The following FLNB variants were observed in gnomAD, a reference collection of about 807,000 sequenced individuals.
FLNB encodes the protein filamin-B.
In FLNB, 111 loss-of-function variants were observed where a neutral mutation model predicts 250.6. That is an observed-to-expected ratio of 0.44 (90% CI 0.38 to 0.52). The LOEUF is 0.52. FLNB is among the 20% of genes least tolerant of loss of function. The pLI, the probability that FLNB is intolerant of heterozygous loss-of-function variation, is 0.00. For synonymous variants in FLNB, 1,302 were observed against 1,372.1 expected (o/e 0.95, Z 1.13); for missense variants, 2,869 against 3,447.8 (o/e 0.83, Z 4.20).
Position 58,098,718 on chromosome 3 carries a change from T to G in FLNB, c.1155T>G (p.Gly385=). 4 of 1,614,084 alleles carry G rather than the reference T, an allele frequency of 2.5e-6. No homozygotes were observed. Among genetic ancestry groups the G allele is most frequent in the Non-Finnish European group, 3.4e-6 (4 of 1,180,018 alleles). The stretch of plus-strand genomic sequence containing the variant: ...ATGCTTGCTTTCTTGTAGGAGCTGG[T>G]GTGGGTGACATTGGTGTGGAGGTGG... ...TYFDIYTAGA[G]VGDIGVEVED... The change falls in exon 8 of 46, where the codon GGT becomes GGG. Residue 385 remains glycine (G), a synonymous_variant. Coordinates refer to ENST00000295956, the MANE Select transcript of FLNB (RefSeq NM_001457.4).
In FLNB at chr3:58,063,345, G is replaced by C. The variant is rs373032550; in HGVS notation, c.293-13701G>C. Among the ~76,000 whole-genome samples the C allele has an allele frequency of 3.3e-5, 5 of 152,308 alleles. No homozygotes were observed. In the South Asian group the frequency reaches 6.2e-4, roughly 19 times the overall value. ...GAATTCCACCCGTAAGAAGGAGGTC[G>C]GTCCCTGGGCTGAGAGAGTTTGCAG... On this transcript the variant is annotated intron_variant, in intron 1 of 45. Transcript: ENST00000295956.
chr3:58,008,922 G>C (rs2097094170), intron 1 of FLNB, 66 bp downstream of exon 1: 2 of 1,586,690 alleles, frequency 1.3e-6, no homozygotes, highest in Admixed American at 3.4e-5. Context: ...GTGCACCCCT[G>C]CGGAGGGCGA....
chr3:58,136,318 T>G (rs997479673), intron 28 of FLNB, 150 bp downstream of exon 28: 37 of 751,750 alleles, frequency 4.9e-5, no homozygotes, highest in African/African-American at 7.0e-5. Flanking sequence ...AAGCTCTTTG[T>G]TTTTATTTGG....
intron 1 of FLNB, among the ~76,000 whole-genome samples, chr3:58,026,830 C>T (rs1484948431): frequency 6.6e-6 from 1 of 152,190 alleles, no homozygotes; most frequent in Non-Finnish European, 1.5e-5. Context: ...CAGGGAACGC[C>T]CAACACCTTT....
intron 1 of FLNB, among the ~76,000 whole-genome samples, chr3:58,061,730 C>T (rs1227749745): frequency 6.7e-6 from 1 of 150,138 alleles, no homozygotes; most frequent in Non-Finnish European, 1.5e-5. Context: ...CAGAGTGAGA[C>T]CCTGTCTCCC....
intron 1 of FLNB, among the ~76,000 whole-genome samples, chr3:58,027,230 A>C (rs1718455): frequency 6.6e-6 from 1 of 150,612 alleles, no homozygotes; most frequent in Admixed American, 6.6e-5. Context: ...TCGGCTCACC[A>C]CAACCTCCGC....
chr3:58,034,381 GTT>G (rs1349746967), intron 1 of FLNB, among the ~76,000 whole-genome samples: 5 of 151,476 alleles, frequency 3.3e-5, no homozygotes, highest in African/African-American at 1.2e-4. Context: ...CCACAAAAAG[GTT>G]CTGTTTTTTA....
intron 1 of FLNB, among the ~76,000 whole-genome samples, chr3:58,060,942 G>A (rs1320650667): frequency 2.0e-5 from 3 of 152,142 alleles, no homozygotes; most frequent in Admixed American, 6.5e-5. Context: ...GAGGCTGGGA[G>A]ATTGCTTGTC....
chr3:58,121,736 G>A (rs532716154), intron 20 of FLNB, among the ~76,000 whole-genome samples: 6 of 152,182 alleles, frequency 3.9e-5, no homozygotes, highest in South Asian at 2.1e-4. Flanking sequence ...TTCTTTCTTC[G>A]CTTGTTAGCA....
In FLNB at chr3:58,148,269, G is replaced by A; in HGVS notation, c.5792G>A (p.Ser1931Asn). The A allele has an allele frequency of 1.9e-6, 3 of 1,614,202 alleles. No individual in the cohort carries two copies. The highest frequency in any genetic ancestry group is 2.2e-5 in the East Asian group (1 of 44,874). Residue 1931 changes from serine to asparagine, a missense_variant, in exon 35 of 46, where the codon AGT becomes AAT. Around this residue, in one of 5 missense-constraint regions of FLNB, gnomAD observed 1,084 missense variants for 1,315.5 expected, o/e 0.82. Coordinates refer to ENST00000295956, the MANE Select transcript of FLNB (RefSeq NM_001457.4). Reference protein sequence around the residue: ...GSAADFLLDISETDLSSLTAS... With the variant: ...GSAADFLLDINETDLSSLTAS... ...GCCGCTGACTTCCTGCTCGACATCA[G>A]TGAGACTGACCTCAGCAGCCTGACG...
At chr3:58,075,132 A>G (rs1211079257) in intron 1 of FLNB, among the ~76,000 whole-genome samples, 1 of 151,936 alleles carries the variant, frequency 6.6e-6, no homozygotes, top group Admixed American at 6.6e-5. Flanking sequence ...GCATGTGAGT[A>G]TGCTTTTCAT....
intron 1 of FLNB, among the ~76,000 whole-genome samples, chr3:58,013,474 C>A (rs2097101799): frequency 6.6e-6 from 1 of 152,184 alleles, no homozygotes; most frequent in Admixed American, 6.5e-5. Flanking sequence ...TCTGCTCTTT[C>A]TTGCATGTCT....
intron 11 of FLNB, among the ~76,000 whole-genome samples, chr3:58,105,564 T>A (rs2097258280): frequency 6.6e-6 from 1 of 152,226 alleles, no homozygotes; most frequent in Non-Finnish European, 1.5e-5. Flanking sequence ...AGATAAATAT[T>A]TCCTTTGGAG....
intron 1 of FLNB, among the ~76,000 whole-genome samples, chr3:58,037,993 T>A (rs2097140499): frequency 6.6e-6 from 1 of 152,186 alleles, no homozygotes; most frequent in Non-Finnish European, 1.5e-5. Flanking sequence ...TTTGAAGACT[T>A]TGAGCCTGAG....
chr3:58,077,284 C>G lies in FLNB; in HGVS notation c.531C>G (p.Ser177Arg). ...DGKALGALVD[S>R]CAPGLCPDWE... is the part of the protein sequence containing the mutation. Reference sequence around the variant, plus strand: ...AAGCCCTGGGAGCCCTGGTAGACAGCTGTGCTCCAGGTAAGTGGCCAGGGC... The same window carrying G: ...AAGCCCTGGGAGCCCTGGTAGACAGGTGTGCTCCAGGTAAGTGGCCAGGGC... The change falls in exon 2 of 46, where the codon AGC (serine) becomes AGG (arginine). Residue 177 changes from serine to arginine, a missense_variant. Ser to Arg is a moderately radical substitution (Grantham distance 110). Transcript: ENST00000295956. 6.2e-7 allele frequency: 1 copy of G among 1,614,052 alleles called. No homozygotes were observed. The highest frequency in any genetic ancestry group is 8.5e-7 in the Non-Finnish European group (1 of 1,179,962).
chr3:58,136,172 A>G lies in FLNB; in HGVS notation c.4861+4A>G. On this transcript the variant is annotated splice_donor_region_variant and intron_variant, in intron 28 of 45. Coordinates refer to ENST00000295956, the MANE Select transcript of FLNB (RefSeq NM_001457.4). ...GCCAGCAAGTGCCTGGCCACGGGTG[A>G]GTACAGGGCATCTCAAGGTCAGGGG... The G allele has an allele frequency of 1.2e-6, 2 of 1,614,172 alleles. No individual in the cohort carries two copies. The highest frequency in any genetic ancestry group is 1.7e-6 in the Non-Finnish European group (2 of 1,180,000).
intron 42 of FLNB, among the ~76,000 whole-genome samples, chr3:58,160,254 G>A (rs1232099722): frequency 1.3e-5 from 2 of 152,150 alleles, no homozygotes; most frequent in African/African-American, 4.8e-5. Context: ...GTAGGTTAAT[G>A]TTCTGTAAAT....
chr3:58,060,769 C>CAAAAAAA (rs71091334), intron 1 of FLNB, among the ~76,000 whole-genome samples: 12 of 64,212 alleles, frequency 1.9e-4, no homozygotes, highest in African/African-American at 2.3e-4. Flanking sequence ...GACCTTGTCT[C>CAAAAAAA]AAAAAAAAAA....
At chr3:58,160,572 A>G (rs1023875384) in intron 42 of FLNB, among the ~76,000 whole-genome samples, 3 of 152,198 alleles carry the variant, frequency 2.0e-5, no homozygotes, top group African/African-American at 4.8e-5. Context: ...TGCCTCGGTG[A>G]GTTCAGGAGG....
Sources: allele counts gnomAD v4.1 joint callset (sites outside exome capture counted in the v4.1 genomes callset), GRCh38; gene constraint gnomAD v4.1.1; regional missense constraint gnomAD v4.1.1; transcripts MANE v1.5; gene names NCBI Gene and HGNC (gene_info 2026-07-23, HGNC 2026-07-21).